CEP290: variants seen among roughly 807,000 people sequenced by gnomAD.
The protein encoded by CEP290 is centrosomal protein of 290 kDa.
CEP290 carries 317 observed loss-of-function variants against 344.9 expected under a neutral mutation model. The observed-to-expected ratio is 0.92, with a 90% CI of 0.84 to 1.01. CEP290 has a LOEUF of 1.01. Ranked by LOEUF, CEP290 falls within the 50% of genes least tolerant of loss-of-function variation. The pLI, the probability that CEP290 is intolerant of heterozygous loss-of-function variation, is 0.00. For synonymous variants in CEP290, 932 were observed against 895.8 expected (o/e 1.04, Z -0.72); for missense variants, 2,754 against 2,761.4 (o/e 1.00, Z 0.06).
At chr12:88,081,811 C>A (rs909871639) in intron 37 of CEP290, among the ~76,000 whole-genome samples, 1 of 152,132 alleles carries the variant, frequency 6.6e-6, no homozygotes, top group African/African-American at 2.4e-5. Context: ...TCTACACCCA[C>A]AAATTAGATG....
At chr12:88,125,441 T>C (rs2039672305) in intron 12 of CEP290, 72 bp from the exon 13 acceptor site, 3 of 772,626 alleles carry the variant, frequency 3.9e-6, no homozygotes, top group African/African-American at 3.7e-5. Flanking sequence ...AAAAAGTACG[T>C]CTGATTTTTT....
intron 46 of CEP290, among the ~76,000 whole-genome samples, chr12:88,061,619 A>T (rs2034487374): frequency 6.6e-6 from 1 of 152,210 alleles, no homozygotes. Flanking sequence ...CATTTTAGTT[A>T]ATCATCCATG....
At chr12:88,086,338 G>C (rs2036570306) in intron 33 of CEP290, 53 bp downstream of exon 33, 20 of 1,466,346 alleles carry the variant, frequency 1.4e-5, no homozygotes, top group Non-Finnish European at 1.8e-5. Context: ...ATTTCTGTGA[G>C]TTAACACTCT....
chr12:88,061,865 G>A (rs927107031), intron 46 of CEP290, among the ~76,000 whole-genome samples: 2 of 151,438 alleles, frequency 1.3e-5, no homozygotes, highest in Admixed American at 1.3e-4. Flanking sequence ...TGTAACCTCC[G>A]CCTGCCAGGT....
chr12:88,100,708 T>C (rs181965933), intron 26 of CEP290, among the ~76,000 whole-genome samples: 2 of 152,066 alleles, frequency 1.3e-5, no homozygotes, highest in Non-Finnish European at 2.9e-5. Flanking sequence ...ACAAAACCTA[T>C]GTATAAGATG....
At chr12:88,135,958 A>G (rs2040332275) in intron 6 of CEP290, 1 of 152,142 alleles carries the variant, frequency 6.6e-6, no homozygotes, top group South Asian at 2.1e-4. Context: ...CTGAGGTAAA[A>G]TAGGAAATTT....
intron 41 of CEP290, 45 bp from the exon 42 acceptor site, chr12:88,071,971 T>C: frequency 6.8e-7 from 1 of 1,474,582 alleles, no homozygotes. Flanking sequence ...AGTGTTATTT[T>C]AAATTTTCTT....
At chr12:88,052,989 A>T (rs913209000) in intron 52 of CEP290, among the ~76,000 whole-genome samples, 3 of 152,140 alleles carry the variant, frequency 2.0e-5, no homozygotes, top group Admixed American at 2.0e-4. Context: ...GGATTATTCA[A>T]ACTTTCCAAG....
chr12:88,077,073 T>A, intron 41 of CEP290, 149 bp downstream of exon 41: 1 of 670,018 alleles, frequency 1.5e-6, no homozygotes, highest in Non-Finnish European at 2.3e-6. Flanking sequence ...TCTACGTTAT[T>A]CAATACTGCT....
Position 88,141,263 on chromosome 12 carries a change from T to G in CEP290, c.45A>C (p.Pro15=), listed in dbSNP as rs1383191175. 6.2e-7 allele frequency: 1 copy of G among 1,611,494 alleles called. No individual in the cohort carries two copies. Among genetic ancestry groups the G allele is most frequent in the African/African-American group, 1.3e-5 (1 of 74,856 alleles). ...INWKEIMKVD[P]DDLPRQEELA... Reference sequence around the variant, plus strand: ...GTTCTTCTTGACGGGGCAGGTCATCTGGGTCAACTTTCATTATTTCTTTCC... The same window carrying G: ...GTTCTTCTTGACGGGGCAGGTCATCGGGGTCAACTTTCATTATTTCTTTCC... The change falls in exon 2 of 54, where the codon CCA becomes CCC. Residue 15 remains proline, a synonymous_variant. Transcript: ENST00000552810.
chr12:88,124,534 A>C (rs1565906113), intron 13 of CEP290, among the ~76,000 whole-genome samples: 5 of 151,638 alleles, frequency 3.3e-5, no homozygotes, highest in Non-Finnish European at 2.9e-5. Context: ...CATATATACA[A>C]ATATATATAT....
At chr12:88,060,721 T>G in intron 47 of CEP290, 109 bp downstream of exon 47, 1 of 756,084 alleles carries the variant, frequency 1.3e-6, no homozygotes, top group Non-Finnish European at 2.1e-6. Flanking sequence ...AAATATGTAT[T>G]GTATTCATTA....
intron 43 of CEP290, 47 bp downstream of exon 43, chr12:88,071,247 C>T (rs780001887): frequency 1.8e-5 from 27 of 1,469,870 alleles, no homozygotes; most frequent in Admixed American, 9.1e-5. Context: ...TAGGGGTCAA[C>T]CAGTTTTTCA....
intron 2 of CEP290, 29 bp downstream of exon 2, chr12:88,141,177 A>G (rs2040634285): frequency 3.5e-6 from 5 of 1,430,538 alleles, no homozygotes; most frequent in Non-Finnish European, 4.8e-6. Context: ...GTTAATGTAT[A>G]TATCTATTAT....
chr12:88,114,530 C>T lies in CEP290; in HGVS notation c.1942G>A (p.Glu648Lys). The stretch of plus-strand genomic sequence containing the variant: ...TGCAATATTTCTTTCATACCTTCTT[C>T]AAGTTGCTTATTTTCTTCAACTAAT... Reference protein sequence around the residue: ...KELVEENKQLEEGMKEILQAI... With the variant: ...KELVEENKQLKEGMKEILQAI... The change falls in exon 20 of 54, where the codon GAA becomes AAA. Residue 648 changes from glutamate (E) to lysine (K), a missense_variant. Coordinates refer to ENST00000552810, the MANE Select transcript of CEP290 (RefSeq NM_025114.4). 1 of 1,539,546 alleles carries T rather than the reference C, an allele frequency of 6.5e-7. No homozygotes were observed.
chr12:88,136,398 T>A, intron 6 of CEP290: 1 of 422,368 alleles, frequency 2.4e-6, no homozygotes, highest in Non-Finnish European at 4.2e-6. Context: ...GGTAACAAGT[T>A]TGATGTCCTG....
At chr12:88,059,810 A>T (rs1276089217) in intron 48 of CEP290, 88 bp downstream of exon 48, 4 of 1,047,300 alleles carry the variant, frequency 3.8e-6, no homozygotes, top group East Asian at 2.7e-5. Context: ...CTTTACAGAC[A>T]CTCTCATCAA....
chr12:88,117,950 C>T (rs2039155451), intron 17 of CEP290, among the ~76,000 whole-genome samples: 1 of 151,974 alleles, frequency 6.6e-6, no homozygotes, highest in Non-Finnish European at 1.5e-5. Context: ...GCACAAGAAT[C>T]ACTAGAACCC....
chr12:88,052,840 C>T (rs1245254451), intron 52 of CEP290, among the ~76,000 whole-genome samples: 4 of 152,116 alleles, frequency 2.6e-5, no homozygotes, highest in African/African-American at 9.7e-5. Context: ...ATCCCTTCCA[C>T]CAGGCCCCAG....
Sources: allele counts gnomAD v4.1 joint callset (sites outside exome capture counted in the v4.1 genomes callset), GRCh38; gene constraint gnomAD v4.1.1; transcripts MANE v1.5; gene names NCBI Gene and HGNC (gene_info 2026-07-23, HGNC 2026-07-21).